Variants in SLC12A7 observed in about 807,000 individuals in gnomAD.
SLC12A7 encodes the protein solute carrier family 12 member 7, also known as K-Cl cotransporter 4.
In SLC12A7, 100 loss-of-function variants were observed where a neutral mutation model predicts 120.6. That is an observed-to-expected ratio of 0.83 (90% CI 0.71 to 0.98). SLC12A7 has a LOEUF of 0.98. SLC12A7 is among the 50% of genes least tolerant of loss of function. The pLI, the probability that SLC12A7 is intolerant of heterozygous loss-of-function variation, is 0.00. For synonymous variants in SLC12A7, 760 were observed against 678.0 expected (o/e 1.12, Z -1.88); for missense variants, 1,373 against 1,548.1 (o/e 0.89, Z 1.90).
chr5:1,055,886 G>A (rs1189366336), intron 22 of SLC12A7, among the ~76,000 whole-genome samples: 1 of 152,240 alleles, frequency 6.6e-6, no homozygotes, highest in African/African-American at 2.4e-5. Flanking sequence ...GATTAATTCA[G>A]GTTTCGGGGT....
chr5:1,107,463 G>T (rs1004387604), intron 1 of SLC12A7, among the ~76,000 whole-genome samples: 7 of 152,180 alleles, frequency 4.6e-5, no homozygotes, highest in Non-Finnish European at 8.8e-5. Flanking sequence ...ACTCACTGCC[G>T]GGCATGAGGG....
At chr5:1,079,645 A>G in intron 9 of SLC12A7, 149 bp from the exon 10 acceptor site, 1 of 656,234 alleles carries the variant, frequency 1.5e-6, no homozygotes, top group Non-Finnish European at 2.7e-6. Context: ...CCGCCAGCCC[A>G]CGCTGCAATA....
chr5:1,136,975 C>G, the SLC12A7 span, among the ~76,000 whole-genome samples: 1 of 145,286 alleles, frequency 6.9e-6, no homozygotes. Context: ...CACATGTACT[C>G]ACACACCACC....
At chr5:1,114,730 G>A (rs954570775), upstream of SLC12A7, among the ~76,000 whole-genome samples, 1 of 152,104 alleles carries the variant, frequency 6.6e-6, no homozygotes, top group Admixed American at 6.5e-5. Context: ...GGGGACTGCT[G>A]GGATCCGGGT....
At chr5:1,131,870 C>T in the SLC12A7 span, among the ~76,000 whole-genome samples, 2 of 152,298 alleles carry the variant, frequency 1.3e-5, no homozygotes, top group African/African-American at 2.4e-5. Context: ...CCAGGTGGGG[C>T]CCAGCGCCCT....
intron 1 of SLC12A7, among the ~76,000 whole-genome samples, chr5:1,095,205 G>A (rs1741004960): frequency 6.6e-6 from 1 of 152,180 alleles, no homozygotes; most frequent in Admixed American, 6.5e-5. Context: ...CCCCAAACCT[G>A]CCCAGGCCTT....
chr5:1,056,555 C>A, intron 22 of SLC12A7: 2 of 984,070 alleles, frequency 2.0e-6, no homozygotes, highest in Non-Finnish European at 2.4e-6. Flanking sequence ...GCCCGGAAGG[C>A]GACCTGGTTG....
At chr5:1,095,050 C>CGGGGGCGGTAGGAGGCGG (rs201603279) in intron 1 of SLC12A7, among the ~76,000 whole-genome samples, 1 of 60,182 alleles carries the variant, frequency 1.7e-5, no homozygotes, top group African/African-American at 5.6e-5. Context: ...CGGTAGGAGG[C>CGGGGGCGGTAGGAGGCGG]GGGGCCGGTA....
At chr5:1,138,181 C>G in the SLC12A7 span, among the ~76,000 whole-genome samples, 1 of 143,510 alleles carries the variant, frequency 7.0e-6, no homozygotes, top group Non-Finnish European at 1.5e-5. Context: ...AGATTTATTG[C>G]AAAAGGGGAA....
chr5:1,109,449 G>A (rs910690909), intron 1 of SLC12A7, among the ~76,000 whole-genome samples: 21 of 152,140 alleles, frequency 1.4e-4, no homozygotes, highest in African/African-American at 5.1e-4. Flanking sequence ...ATTTCAAGAC[G>A]AGGTATTTCA....
rs944910716 is a variant in SLC12A7 at position 1,083,597 on chromosome 5, A to G, written c.1129+148T>C. 3.8e-6 allele frequency: 3 copies of G among 783,226 alleles called. No individual in the cohort carries two copies. The Admixed American group carries it at 7.1e-5, about 18-fold the overall frequency. 48.5% of individuals were successfully genotyped at this position (783,226 alleles called of 1,614,324 possible). A position where few individuals can be genotyped will look rare whatever the true frequency, so the allele number is the denominator to read the frequency against. ...GCCAGGGGTGTGTACAGGGACCCCCAGGCTCATCAGCAGCAGCTGGGAAGG... is the reference window on the plus strand; with the variant it reads ...GCCAGGGGTGTGTACAGGGACCCCCGGGCTCATCAGCAGCAGCTGGGAAGG... On this transcript the variant is annotated intron_variant, in intron 8 of 23. Transcript: ENST00000264930.
the SLC12A7 span, among the ~76,000 whole-genome samples, chr5:1,133,111 T>G: frequency 6.6e-6 from 1 of 152,190 alleles, no homozygotes; most frequent in Non-Finnish European, 1.5e-5. Context: ...AGACGGAGTT[T>G]CACCATGTTG....
At chr5:1,061,787 T>TA (rs1409643125) in intron 20 of SLC12A7, among the ~76,000 whole-genome samples, 3 of 118,106 alleles carry the variant, frequency 2.5e-5, no homozygotes, top group Non-Finnish European at 5.7e-5. Flanking sequence ...CCATTGCTAC[T>TA]AAAAATACAA....
chr5:1,065,342 A>G lies in SLC12A7; in HGVS notation c.2378T>C (p.Met793Thr), dbSNP rs754449317. 8.9e-5 allele frequency: 143 copies of G among 1,608,132 alleles called. No homozygotes were observed. The highest frequency in any genetic ancestry group is 1.1e-4 in the Non-Finnish European group (134 of 1,176,582). Reference sequence around the variant, plus strand: ...CTGCTTCCAGGATGCGGGCCAGGCCATGAGCACCGTGTTGTGCTTCAGGCC... The same window carrying G: ...CTGCTTCCAGGATGCGGGCCAGGCCGTGAGCACCGTGTTGTGCTTCAGGCC... ...LGGLKHNTVL[M>T]AWPASWKQED... The change falls in exon 18 of 24, where the codon ATG (methionine) becomes ACG (threonine). Residue 793 changes from methionine (M) to threonine (T), a missense_variant. Transcript: ENST00000264930.
chr5:1,121,986 C>A, the SLC12A7 span, among the ~76,000 whole-genome samples: 1 of 152,162 alleles, frequency 6.6e-6, no homozygotes, highest in Non-Finnish European at 1.5e-5. Flanking sequence ...AGGCACGAAG[C>A]GGGGATGGGT....
Position 1,110,077 on chromosome 5 carries a change from T to C in SLC12A7, c.124+1791A>G, listed in dbSNP as rs1336067954. Among the ~76,000 whole-genome samples, 4 of 152,332 alleles carry C rather than the reference T, an allele frequency of 2.6e-5. No homozygotes were observed. In the South Asian group the frequency reaches 8.3e-4, roughly 32 times the overall value. The stretch of plus-strand genomic sequence containing the variant: ...CACGGGACTCCTCGCCGCACCTCTG[T>C]GGGCTGAAGATCAGGATGTGATCAA... On this transcript the variant is annotated intron_variant, in intron 1 of 23. Coordinates refer to ENST00000264930, the MANE Select transcript of SLC12A7 (RefSeq NM_006598.3).
the SLC12A7 span, among the ~76,000 whole-genome samples, chr5:1,123,233 T>G: frequency 6.6e-6 from 1 of 152,146 alleles, no homozygotes; most frequent in Non-Finnish European, 1.5e-5. Context: ...GGCAGTGGCT[T>G]GCCCTGGGTC....
Position 1,065,413 on chromosome 5 carries a change from G to A in SLC12A7, c.2307C>T (p.Ser769=), listed in dbSNP as rs763264705. The A allele has an allele frequency of 1.2e-6, 2 of 1,612,352 alleles. No individual in the cohort carries two copies. The highest frequency in any genetic ancestry group is 1.7e-6 in the Non-Finnish European group (2 of 1,179,486). ...TCAGGTGGGACATGCCATCCCGCAG[G>A]CTGGACGAGACCACCAGCTGGCAGA... ...KGFCQLVVSS[S]LRDGMSHLIQ... Residue 769 remains serine (S), a synonymous_variant, in exon 18 of 24, where the codon AGC becomes AGT. Coordinates refer to ENST00000264930, the MANE Select transcript of SLC12A7 (RefSeq NM_006598.3).
intron 17 of SLC12A7, 79 bp from the exon 18 acceptor site, chr5:1,065,557 G>A (rs1718476658): frequency 2.5e-6 from 3 of 1,222,166 alleles, no homozygotes; most frequent in Non-Finnish European, 3.4e-6. Flanking sequence ...GGTGGCCAGG[G>A]CACCCGCACC....
Sources: allele counts gnomAD v4.1 joint callset (sites outside exome capture counted in the v4.1 genomes callset), GRCh38; gene constraint gnomAD v4.1.1; transcripts MANE v1.5; gene names NCBI Gene and HGNC (gene_info 2026-07-23, HGNC 2026-07-21).